SPNS2: variants seen among roughly 807,000 people sequenced by gnomAD.
The protein encoded by SPNS2 is sphingosine-1-phosphate transporter SPNS2.
A neutral mutation model predicts 57.6 loss-of-function variants in SPNS2; 37 were observed. The observed-to-expected ratio is 0.64, with a 90% CI of 0.49 to 0.85. SPNS2 has a LOEUF of 0.85. Ranked by LOEUF, SPNS2 falls within the 40% of genes least tolerant of loss-of-function variation. SPNS2 has a pLI of 0.00. For missense variants in SPNS2, 831 were observed against 779.1 expected (o/e 1.07, Z -0.79); for synonymous variants, 440 against 346.9 (o/e 1.27, Z -2.98).
chr17:4,518,085 C>T (rs1905040194), intron 2 of SPNS2, among the ~76,000 whole-genome samples: 1 of 151,964 alleles, frequency 6.6e-6, no homozygotes, highest in Non-Finnish European at 1.5e-5. Context: ...CATGGGTTGG[C>T]GTATGGGGAG....
intron 1 of SPNS2, among the ~76,000 whole-genome samples, chr17:4,502,097 T>C (rs7221317): frequency 0.97 from 148,267 of 152,276 alleles, 72,295 homozygotes; most frequent in East Asian, 1. Flanking sequence ...TTGTTAGGGC[T>C]GGGCGCGGTG....
At position 4,537,549 on chromosome 17, in the gene SPNS2, T is replaced by TG. The variant is rs1469150167; in HGVS notation, c.*102dup. 8.8e-6 allele frequency: 4 copies of TG among 456,792 alleles called. No homozygotes were observed. In the Admixed American group the frequency reaches 9.4e-5, roughly 11 times the overall value. The allele number at this position is 456,792 out of a possible 1,614,324, so 28.3% of individuals were successfully genotyped here. On this transcript the variant is annotated 3_prime_UTR_variant, in exon 13 of 13. Coordinates refer to ENST00000329078, the MANE Select transcript of SPNS2 (RefSeq NM_001124758.3). ...CTGGGCTGCCCCAAAGCTTTCTGTG[T>TG]GATCCACGGCTAGGCACCCACCCTC...
intron 1 of SPNS2, among the ~76,000 whole-genome samples, chr17:4,500,086 C>A (rs529104117): frequency 5.3e-5 from 8 of 152,272 alleles, no homozygotes; most frequent in African/African-American, 1.7e-4. Context: ...GGAGACGCCT[C>A]CCCCTGCTCT....
At position 4,498,924 on chromosome 17, in the gene SPNS2, G is replaced by A; in HGVS notation, c.-124G>A. On this transcript the variant is annotated 5_prime_UTR_variant, in exon 1 of 13. Coordinates refer to ENST00000329078, the MANE Select transcript of SPNS2 (RefSeq NM_001124758.3). ...GCAGCGCCGCAGCCGGGGCCGGAGC[G>A]CAGGAGCCGACGGGGCCCGACCAGG... 2.2e-6 allele frequency: 1 copy of A among 459,648 alleles called. No individual in the cohort carries two copies. Among genetic ancestry groups the A allele is most frequent in the Non-Finnish European group, 2.9e-6 (1 of 349,786 alleles). 28.5% of individuals were successfully genotyped at this position (459,648 alleles called of 1,614,324 possible).
chr17:4,502,570 G>T (rs567197356), intron 1 of SPNS2, among the ~76,000 whole-genome samples: 1 of 152,228 alleles, frequency 6.6e-6, no homozygotes, highest in East Asian at 1.9e-4. Flanking sequence ...GCCAGAGTTC[G>T]AGCCAAGGCT....
In SPNS2 at chr17:4,531,233, T is replaced by TGCGTGGACTCTGAAATCCCTGCCC. The variant is rs1905455827; in HGVS notation, c.792+115_792+138dup. The TGCGTGGACTCTGAAATCCCTGCCC allele has an allele frequency of 1.8e-5, 17 of 929,968 alleles. No homozygotes were observed. The South Asian group carries it at 2.5e-4, about 13-fold the overall frequency. 57.6% of individuals were successfully genotyped at this position (929,968 alleles called of 1,614,324 possible). On this transcript the variant is annotated intron_variant, in intron 5 of 12. Transcript: ENST00000329078. Reference sequence around the variant, plus strand: ...AGGCCTCCAGGATTCCTCCCCTGGCTGCGTGGACTCTGAAATCCCTGCCCT... The same window carrying TGCGTGGACTCTGAAATCCCTGCCC: ...AGGCCTCCAGGATTCCTCCCCTGGCTGCGTGGACTCTGAAATCCCTGCCCGCGTGGACTCTGAAATCCCTGCCCT...
chr17:4,514,729 G>A (rs1053183772), intron 2 of SPNS2, among the ~76,000 whole-genome samples: 18 of 152,262 alleles, frequency 1.2e-4, no homozygotes, highest in Non-Finnish European at 2.4e-4. Flanking sequence ...AAGTCTGCCT[G>A]CCCTGCCGCC....
intron 6 of SPNS2, 31 bp from the exon 7 acceptor site, chr17:4,532,946 A>C: frequency 6.3e-7 from 1 of 1,594,566 alleles, no homozygotes; most frequent in African/African-American, 1.3e-5. Context: ...GAGGTCCCTG[A>C]GCTCAGTGTC....
intron 2 of SPNS2, among the ~76,000 whole-genome samples, chr17:4,514,802 A>G (rs764136070): frequency 5.9e-5 from 9 of 152,192 alleles, no homozygotes; most frequent in Non-Finnish European, 8.8e-5. Context: ...GCAGCTGGGA[A>G]ATGGAGTTCC....
Position 4,533,319 on chromosome 17 carries a change from C to A in SPNS2, c.1165C>A (p.Arg389Ser). The A allele has an allele frequency of 1.2e-6, 2 of 1,611,942 alleles. No individual in the cohort carries two copies. Among genetic ancestry groups the A allele is most frequent in the Non-Finnish European group, 1.7e-6 (2 of 1,179,510 alleles). Residue 389 changes from arginine to serine, a missense_variant, in exon 8 of 13, where the codon CGC becomes AGC. Arg to Ser is a moderately radical substitution (Grantham distance 110, BLOSUM62 -1). Coordinates refer to ENST00000329078, the MANE Select transcript of SPNS2 (RefSeq NM_001124758.3). ...VTGAGATRWCRLKTQRADPLV... is the reference protein window; with the variant it reads ...VTGAGATRWCSLKTQRADPLV... ...GGGGGCAGGAGCCACGCGCTGGTGC[C>A]GCCTGAAGACCCAGCGGGCCGACCC...
intron 2 of SPNS2, among the ~76,000 whole-genome samples, chr17:4,515,393 G>A (rs1260760025): frequency 1.3e-5 from 2 of 152,214 alleles, no homozygotes; most frequent in Non-Finnish European, 2.9e-5. Flanking sequence ...AGGGACCTGG[G>A]CCTCTGCCTC....
chr17:4,536,473 G>A, intron 11 of SPNS2, 47 bp downstream of exon 11: 1 of 1,566,350 alleles, frequency 6.4e-7, no homozygotes, highest in Non-Finnish European at 8.7e-7. Flanking sequence ...GGGAAGCAGG[G>A]ACCGTGATAG....
intron 1 of SPNS2, 78 bp from the exon 2 acceptor site, chr17:4,513,169 C>T (rs550680026): frequency 2.1e-5 from 31 of 1,507,168 alleles, no homozygotes; most frequent in African/African-American, 1.9e-4. Context: ...CCCTGCAAGG[C>T]GGGAAAGAGG....
intron 1 of SPNS2, among the ~76,000 whole-genome samples, chr17:4,502,413 T>C (rs999039521): frequency 6.6e-6 from 1 of 151,428 alleles, no homozygotes; most frequent in East Asian, 1.9e-4. Flanking sequence ...CACACACACA[T>C]ATGTATGTTG....
chr17:4,502,529 G>C (rs1405550380), intron 1 of SPNS2, among the ~76,000 whole-genome samples: 1 of 152,220 alleles, frequency 6.6e-6, no homozygotes, highest in African/African-American at 2.4e-5. Flanking sequence ...GGGGCCACTA[G>C]AGTGGACAGT....
intron 2 of SPNS2, among the ~76,000 whole-genome samples, chr17:4,523,229 G>C (rs1043916173): frequency 4.6e-5 from 7 of 152,206 alleles, no homozygotes; most frequent in African/African-American, 1.7e-4. Context: ...CTTGAGGTCA[G>C]GAGTTTGAGA....
chr17:4,501,696 A>C (rs894136423), intron 1 of SPNS2, among the ~76,000 whole-genome samples: 1 of 152,110 alleles, frequency 6.6e-6, no homozygotes, highest in Non-Finnish European at 1.5e-5. Context: ...TATTATCTCT[A>C]TGGTAACTAC....
In SPNS2 at chr17:4,533,095, A is replaced by G; in HGVS notation, c.1054A>G (p.Thr352Ala). Residue 352 changes from threonine (T) to alanine (A), a missense_variant, in exon 7 of 13, where the codon ACG (threonine) becomes GCG (alanine). Thr to Ala is a moderately conservative substitution (Grantham distance 58). This residue lies in a region of SPNS2 where 526 missense variants were observed against 400.9 expected (regional missense o/e 1.31). Coordinates refer to ENST00000329078, the MANE Select transcript of SPNS2 (RefSeq NM_001124758.3). ...RAQVVQKTAE[T>A]CNSPPCGAKD... ...CCAAGTTGTGCAGAAGACAGCAGAG[A>G]CGTGCAACAGCCCGCCCTGTGGGGC... is the stretch of plus-strand genomic sequence containing the variant. The G allele has an allele frequency of 6.2e-7, 1 of 1,612,738 alleles. No individual in the cohort carries two copies. The highest frequency in any genetic ancestry group is 2.2e-5 in the East Asian group (1 of 44,860).
At position 4,536,959 on chromosome 17, in the gene SPNS2, C is replaced by T. The variant is rs115797190; in HGVS notation, c.*4+13C>T. The T allele has an allele frequency of 4.9e-4, 789 of 1,612,164 alleles. 3 individuals carry two copies. In the African/African-American group the frequency reaches 8.4e-3, roughly 17 times the overall value. On this transcript the variant is annotated intron_variant, in intron 12 of 12. Transcript: ENST00000329078. Reference sequence around the variant, plus strand: ...AAAGTCTGAGGTGGTGAGTGCAGGCCGGGAGGCACGTGGGGGCTCCCTAAG... The same window carrying T: ...AAAGTCTGAGGTGGTGAGTGCAGGCTGGGAGGCACGTGGGGGCTCCCTAAG...
Sources: gnomAD v4.1 joint callset for allele counts (sites outside exome capture counted in the v4.1 genomes callset) on GRCh38, gnomAD v4.1.1 for gene constraint, gnomAD v4.1.1 regional missense constraint, MANE v1.5 for transcripts, NCBI Gene and HGNC (gene_info 2026-07-23, HGNC 2026-07-21) for gene names.